The following MYO15B variants were observed in gnomAD, a reference collection of about 807,000 sequenced individuals.
MYO15B encodes the protein myosin XVB pseudogene.
MYO15B carries 207 observed loss-of-function variants against 119.3 expected under a neutral mutation model. The observed-to-expected ratio is 1.73, with a 90% CI of 1.55 to 1.95. MYO15B has a LOEUF of 1.95. Among genes scored for constraint, MYO15B ranks in the 30% most tolerant of loss-of-function variants. MYO15B has a pLI of 0.00. For synonymous variants in MYO15B, 966 were observed against 498.9 expected, an observed-to-expected ratio of 1.94 and a Z score of -12.48; for missense variants, 2,264 against 1,203.1, an observed-to-expected ratio of 1.88 and a Z score of -13.04.
At chr17:75,623,060 G>T (rs965173504) in intron 53 of MYO15B, among the ~76,000 whole-genome samples, 1 of 152,228 alleles carries the variant, frequency 6.6e-6, no homozygotes, top group East Asian at 1.9e-4. Flanking sequence ...GGCCGGGCGC[G>T]GCGGCTCCCG....
At chr17:75,596,339 G>A in intron 12 of MYO15B, 121 bp from the exon 13 acceptor site, 1 of 630,070 alleles carries the variant, frequency 1.6e-6, no homozygotes, top group Non-Finnish European at 2.9e-6. Context: ...TGACCCTGTT[G>A]GCTACACAGC....
chr17:75,619,571 C>T (rs2058579681), intron 45 of MYO15B, 95 bp downstream of exon 45: 2 of 682,576 alleles, frequency 2.9e-6, no homozygotes, highest in Non-Finnish European at 2.7e-6. Flanking sequence ...AGCCGGGGAG[C>T]AGACGCCAGG....
At chr17:75,614,533 G>A in intron 30 of MYO15B, 50 bp from the exon 31 acceptor site, 2 of 695,936 alleles carry the variant, frequency 2.9e-6, no homozygotes, top group Non-Finnish European at 2.6e-6. Context: ...CCCCAGCCTG[G>A]GTGACCCTCA....
rs770855735 is a variant in MYO15B at position 75,619,476 on chromosome 17, G to C, written c.7182G>C (p.Ser2394=). 3 of 702,096 alleles carry C rather than the reference G, an allele frequency of 4.3e-6. No homozygotes were observed. In the South Asian group the frequency reaches 4.4e-5, roughly 10 times the overall value. The allele number at this position is 702,096 out of a possible 1,614,324, so 43.5% of individuals were successfully genotyped here. Residue 2394 remains serine (S), a splice_region_variant and synonymous_variant, in exon 45 of 64, where the codon TCG becomes TCC. Coordinates refer to ENST00000645453, the Ensembl canonical transcript of MYO15B. ...ACTTCTCCCGCTTCTTTCCTGTCTC[G>C]GTCAGTGGCGCTGGGGTAGGGAGTA... is the stretch of plus-strand genomic sequence containing the variant.
At chr17:75,619,398 A>G in exon 45 of MYO15B, 1 of 702,674 alleles carries the variant, frequency 1.4e-6, no homozygotes, top group Non-Finnish European at 2.6e-6. Flanking sequence ...CCACCACCGA[A>G]GACAGCGTCA....
rs1304586317 is a variant in MYO15B at position 75,624,053 on chromosome 17, G to GC, written c.8265dup (p.Ser2756GlnfsTer29). 5 of 703,064 alleles carry GC rather than the reference G, an allele frequency of 7.1e-6. No individual in the cohort carries two copies. The East Asian group carries it at 1.3e-4, about 19-fold the overall frequency. The allele number at this position is 703,064 out of a possible 1,614,324, so 43.6% of individuals were successfully genotyped here. Reference sequence around the variant, plus strand: ...CTGACCAAGTTTCTGCAGGATTCAGGCCCCAGCCAAGGTGCCCGTGGGAAG... The same window carrying GC: ...CTGACCAAGTTTCTGCAGGATTCAGGCCCCCAGCCAAGGTGCCCGTGGGAAG... On this transcript the variant is annotated frameshift_variant, in exon 55 of 64. Coordinates refer to ENST00000645453, the Ensembl canonical transcript of MYO15B. LOFTEE classifies it high-confidence loss of function.
At chr17:75,617,628 G>A in intron 41 of MYO15B, 182 bp from the exon 42 acceptor site, 1 of 586,628 alleles carries the variant, frequency 1.7e-6, no homozygotes, top group Non-Finnish European at 3.0e-6. Flanking sequence ...ACGGACGCCA[G>A]GGAAAGTTTA....
intron 21 of MYO15B, 62 bp from the exon 22 acceptor site, chr17:75,610,104 T>G: frequency 1.6e-6 from 1 of 627,816 alleles, no homozygotes. Context: ...GGGATTCCAG[T>G]GCCAGGCAGG....
chr17:75,611,462 C>A, intron 23 of MYO15B, 139 bp from the exon 24 acceptor site: 1 of 601,774 alleles, frequency 1.7e-6, no homozygotes, highest in Non-Finnish European at 2.9e-6. Flanking sequence ...GAGTGAGACC[C>A]TGCCTCAAAA....
intron 23 of MYO15B, among the ~76,000 whole-genome samples, 170 bp downstream of exon 23, chr17:75,611,129 G>T (rs1173601652): frequency 6.6e-6 from 1 of 152,052 alleles, no homozygotes; most frequent in Non-Finnish European, 1.5e-5. Flanking sequence ...TCCCTCAGAG[G>T]GTCTTTGGGG....
exon 3 of MYO15B, chr17:75,590,960 T>G (rs2056402337): frequency 1.8e-6 from 1 of 563,228 alleles, no homozygotes; most frequent in African/African-American, 1.9e-5. Flanking sequence ...CCTTGCCTCT[T>G]TTTTCACCTG....
intron 12 of MYO15B, 188 bp downstream of exon 12, chr17:75,595,160 G>A (rs1011304706): frequency 1.7e-6 from 1 of 602,922 alleles, no homozygotes; most frequent in African/African-American, 1.9e-5. Context: ...GGGATGGAGA[G>A]GTAAAGGAGT....
chr17:75,594,893 G>A, exon 12 of MYO15B: 1 of 703,080 alleles, frequency 1.4e-6, no homozygotes, highest in Non-Finnish European at 2.6e-6. Context: ...CTTCTGAGGA[G>A]AACCAATGCA....
At chr17:75,620,300 C>T (rs1260833831) in exon 48 of MYO15B, 4 of 702,946 alleles carry the variant, frequency 5.7e-6, no homozygotes, top group Non-Finnish European at 1.0e-5. Context: ...CTGCAGCCTC[C>T]TCAGCTTCCA....
chr17:75,591,058 G>C, intron 3 of MYO15B, 42 bp downstream of exon 3: 1 of 668,734 alleles, frequency 1.5e-6, no homozygotes, highest in Non-Finnish European at 2.7e-6. Context: ...CACCTCCCAG[G>C]CAGCCCAGTC....
chr17:75,610,513 C>T (rs1437976827), intron 22 of MYO15B, among the ~76,000 whole-genome samples: 3 of 152,224 alleles, frequency 2.0e-5, no homozygotes, highest in Non-Finnish European at 4.4e-5. Flanking sequence ...GGGTTCCCAT[C>T]CCCTCCAGGC....
chr17:75,615,319 C>T (rs1007365674), exon 34 of MYO15B: 4 of 702,478 alleles, frequency 5.7e-6, no homozygotes, highest in Admixed American at 4.0e-5. Flanking sequence ...CAGCAATGGG[C>T]ACAGTCCCTG....
chr17:75,623,446 G>A lies in MYO15B; in HGVS notation c.8083-335G>A, dbSNP rs546305477. Among the ~76,000 whole-genome samples, 6 of 152,182 alleles carry A rather than the reference G, an allele frequency of 3.9e-5. No homozygotes were observed. In the East Asian group the frequency reaches 5.8e-4, roughly 15 times the overall value. On this transcript the variant is annotated intron_variant, in intron 53 of 63. Coordinates refer to ENST00000645453, the Ensembl canonical transcript of MYO15B. ...GAGTTCGAGATTAAACCTGGCCAAC[G>A]TAGTGAAACCCCATCTCTGCTAAAA...
chr17:75,589,098 C>A lies in MYO15B; in HGVS notation c.1041C>A (p.Pro347=). 2.5e-6 allele frequency: 1 copy of A among 393,250 alleles called. No homozygotes were observed. The highest frequency in any genetic ancestry group is 1.3e-4 in the South Asian group (1 of 7,828). The allele number at this position is 393,250 out of a possible 1,614,324, so 24.4% of individuals were successfully genotyped here. The change falls in exon 1 of 64, where the codon CCC becomes CCA. Residue 347 remains proline, a synonymous_variant. Coordinates refer to ENST00000645453, the Ensembl canonical transcript of MYO15B. This position sits in a 1 kb window ranked among gnomAD's most constrained non-coding sequence, Gnocchi z 4.2. ...TGGTCCGCAGGCTCCTCGCGAGGCC[C>A]CCGCCAGGCGCCGCTTCCCAGGCCG...
Sources: gnomAD v4.1 joint callset for allele counts (sites outside exome capture counted in the v4.1 genomes callset) on GRCh38, gnomAD v4.1.1 for gene constraint, Gnocchi (gnomAD v3.1) non-coding constraint, MANE v1.5 for transcripts, NCBI Gene and HGNC (gene_info 2026-07-23, HGNC 2026-07-21) for gene names.